Variants in PCDHGA6 observed in about 807,000 individuals in gnomAD.
The protein encoded by PCDHGA6 is protocadherin gamma subfamily A, 6, also known as protocadherin gamma-A6.
Under a neutral mutation model 60.6 loss-of-function variants are expected in PCDHGA6, and 41 were observed. The ratio of observed to expected loss-of-function variants is 0.68; its 90% CI spans 0.53 to 0.88. The LOEUF (loss-of-function observed/expected upper bound fraction) is 0.88, where lower values mean the gene tolerates loss of function less well. Ranked by LOEUF, PCDHGA6 falls within the 40% of genes least tolerant of loss-of-function variation. The pLI, the probability that PCDHGA6 is intolerant of heterozygous loss-of-function variation, is 0.00. For missense variants in PCDHGA6, 1,312 were observed against 1,203.0 expected (o/e 1.09, Z -1.34); for synonymous variants, 594 against 524.4 (o/e 1.13, Z -1.81).
chr5:141,419,386 G>A (rs2096372901), intron 1 of PCDHGA6: 1 of 1,613,650 alleles, frequency 6.2e-7, no homozygotes, highest in Non-Finnish European at 8.5e-7. Context: ...CCGTGAGCGC[G>A]CAGAGCGGGG....
At chr5:141,438,914 C>T (rs1249997741) in intron 1 of PCDHGA6, among the ~76,000 whole-genome samples, 1 of 151,906 alleles carries the variant, frequency 6.6e-6, no homozygotes, top group Non-Finnish European at 1.5e-5. Flanking sequence ...GATCCACCTG[C>T]CTTGGCCTCC....
intron 1 of PCDHGA6, chr5:141,398,388 C>G: frequency 6.9e-7 from 1 of 1,454,974 alleles, no homozygotes; most frequent in African/African-American, 1.4e-5. Flanking sequence ...TGCTTGTGAG[C>G]AGCAGGCTAG....
At chr5:141,412,133 C>T (rs2095537829) in intron 1 of PCDHGA6, 1 of 152,184 alleles carries the variant, frequency 6.6e-6, no homozygotes, top group African/African-American at 2.4e-5. Flanking sequence ...GGACTTTGGC[C>T]TCTGATACAA....
intron 1 of PCDHGA6, chr5:141,417,759 C>T: frequency 7.0e-7 from 1 of 1,437,100 alleles, no homozygotes; most frequent in South Asian, 1.5e-5. Flanking sequence ...AGCTCCGAGA[C>T]CCGGGACTCC....
rs889285153 is a variant in PCDHGA6, at chr5:141,494,978, T to C, written c.2483+113T>C. ...TGCTACAGATGGCTTCTCCCTCAGT[T>C]TGAGATCCCAGGGAGGTCTTGGTGT... On this transcript the variant is annotated intron_variant, in intron 2 of 3. Transcript: ENST00000517434. 7.6e-6 allele frequency: 12 copies of C among 1,572,974 alleles called. No homozygotes were observed. In the Admixed American group the frequency reaches 1.3e-4, roughly 17 times the overall value.
intron 1 of PCDHGA6, among the ~76,000 whole-genome samples, chr5:141,474,089 CAAACAACAACAA>C (rs985204397): frequency 3.3e-5 from 5 of 152,116 alleles, no homozygotes; most frequent in Admixed American, 2.0e-4. Flanking sequence ...AACCAAAAAA[CAAACAACAACAA>C]AAACAACAAC....
chr5:141,479,020 T>C (rs961123768), intron 1 of PCDHGA6, among the ~76,000 whole-genome samples: 1 of 152,236 alleles, frequency 6.6e-6, no homozygotes, highest in African/African-American at 2.4e-5. Flanking sequence ...ATAATTTTCC[T>C]TTGTTTATAC....
intron 1 of PCDHGA6, chr5:141,410,478 C>T (rs767257836): frequency 1.9e-6 from 3 of 1,613,992 alleles, no homozygotes; most frequent in Non-Finnish European, 2.5e-6. Flanking sequence ...ATTGCACATA[C>T]GGGTACAAAA....
Position 141,487,007 on chromosome 5 carries a change from G to A in PCDHGA6, c.2425-7800G>A, listed in dbSNP as rs563548715. The A allele has an allele frequency of 3.1e-6, 5 of 1,614,206 alleles. No homozygotes were observed. In the South Asian group the frequency reaches 5.5e-5, roughly 18 times the overall value. ...TGCTTGGGTTTCCTATCAGCTCCTGGAGGCCCCAGATCCCAGCCTGTTTGC... is the reference window on the plus strand; with the variant it reads ...TGCTTGGGTTTCCTATCAGCTCCTGAAGGCCCCAGATCCCAGCCTGTTTGC... On this transcript the variant is annotated intron_variant, in intron 1 of 3. Transcript: ENST00000517434. This position sits in a 1 kb window ranked among gnomAD's most constrained non-coding sequence, Gnocchi z 5.0.
Position 141,415,576 on chromosome 5 carries a change from T to C in PCDHGA6, c.2424+39069T>C, listed in dbSNP as rs182127695. 9.5e-5 allele frequency: 153 copies of C among 1,614,182 alleles called. No individual in the cohort carries two copies. The Admixed American group carries it at 1.6e-3, about 17-fold the overall frequency. Reference sequence around the variant, plus strand: ...CGATCCTTTGTCTTTGTTAGATGATTCGAAGTTTCCTATAGAGGATACCCC... The same window carrying C: ...CGATCCTTTGTCTTTGTTAGATGATCCGAAGTTTCCTATAGAGGATACCCC... On this transcript the variant is annotated intron_variant, in intron 1 of 3. Transcript: ENST00000517434.
chr5:141,415,502 A>AGCCC, intron 1 of PCDHGA6: 1 of 1,614,204 alleles, frequency 6.2e-7, no homozygotes, highest in South Asian at 1.1e-5. Flanking sequence ...ATCTTCCCCC[A>AGCCC]GCCCAATTAT....
At chr5:141,395,147 G>A in intron 1 of PCDHGA6, 1 of 1,614,210 alleles carries the variant, frequency 6.2e-7, no homozygotes, top group Non-Finnish European at 8.5e-7. Flanking sequence ...ACGCAGACAT[G>A]CTCATCAGTC....
chr5:141,500,883 T>G (rs1250275850), intron 2 of PCDHGA6, among the ~76,000 whole-genome samples: 2 of 97,532 alleles, frequency 2.1e-5, no homozygotes, highest in African/African-American at 1.2e-4. Context: ...TACAATTTTT[T>G]TTTTTTGAGA....
In PCDHGA6 at chr5:141,458,391, C is replaced by G. The variant is rs534396279; in HGVS notation, c.2425-36416C>G. 5.9e-5 allele frequency among the ~76,000 whole-genome samples: 9 copies of G among 152,126 alleles called. No homozygotes were observed. In the South Asian group the frequency reaches 1.0e-3, roughly 18 times the overall value. ...GGAGAAGAGAGAAGGAAGACGCTCCCCCTTGCAGAGACGGAGCGGGGGTTC... is the reference window on the plus strand; with the variant it reads ...GGAGAAGAGAGAAGGAAGACGCTCCGCCTTGCAGAGACGGAGCGGGGGTTC... On this transcript the variant is annotated intron_variant, in intron 1 of 3. Coordinates refer to ENST00000517434, the MANE Select transcript of PCDHGA6 (RefSeq NM_018919.3).
In PCDHGA6 at chr5:141,450,032, G is replaced by A. The variant is rs146567243; in HGVS notation, c.2425-44775G>A. Among the ~76,000 whole-genome samples the A allele has an allele frequency of 4.6e-3, 607 of 131,666 alleles. 4 individuals are homozygous for A. The highest frequency in any genetic ancestry group is 0.017 in the African/African-American group (550 of 33,158). The allele number at this position is 131,666 out of a possible 152,430, so 86.4% of individuals were successfully genotyped here. A position where few individuals can be genotyped will look rare whatever the true frequency, so the allele number is the denominator to read the frequency against. On this transcript the variant is annotated intron_variant, in intron 1 of 3. Transcript: ENST00000517434. ...TTTTTTTTTTTTTTTTTTGAGACAG[G>A]GTCTCACTCTTTCGCCCAGGCTGGA... is the stretch of plus-strand genomic sequence containing the variant.
intron 1 of PCDHGA6, among the ~76,000 whole-genome samples, chr5:141,472,119 A>C (rs1015212535): frequency 6.6e-6 from 1 of 152,240 alleles, no homozygotes; most frequent in African/African-American, 2.4e-5. Context: ...AAAGAAAATA[A>C]AAGAGAAGTT....
rs1365133001 is a variant in PCDHGA6 at position 141,477,683 on chromosome 5, G to A, written c.2425-17124G>A. ...TGACAATGGCATAGTGTCATCCTTA[G>A]TGCCCCTAGACTATGAGGATCGGCG... On this transcript the variant is annotated intron_variant, in intron 1 of 3. Transcript: ENST00000517434. This position sits in a 1 kb window ranked among gnomAD's most constrained non-coding sequence, Gnocchi z 4.9. 1.2e-6 allele frequency: 2 copies of A among 1,614,176 alleles called. No homozygotes were observed. The highest frequency in any genetic ancestry group is 3.3e-5 in the Admixed American group (2 of 60,028).
intron 1 of PCDHGA6, among the ~76,000 whole-genome samples, chr5:141,462,493 A>G (rs1432919197): frequency 2.0e-5 from 3 of 152,144 alleles, no homozygotes; most frequent in South Asian, 4.1e-4. Context: ...GTTGTATCCT[A>G]TAATTGTCAA....
intron 1 of PCDHGA6, among the ~76,000 whole-genome samples, chr5:141,407,479 T>C (rs1042229151): frequency 1.4e-5 from 2 of 144,060 alleles, no homozygotes; most frequent in East Asian, 1.9e-4. Context: ...GAATGGAGTA[T>C]GGAAAATCTT....
Sources: gnomAD v4.1 joint callset for allele counts (sites outside exome capture counted in the v4.1 genomes callset) on GRCh38, gnomAD v4.1.1 for gene constraint, Gnocchi (gnomAD v3.1) non-coding constraint, MANE v1.5 for transcripts, NCBI Gene and HGNC (gene_info 2026-07-23, HGNC 2026-07-21) for gene names.